The following STAU2 variants were observed in gnomAD, a reference collection of about 807,000 sequenced individuals.
STAU2 encodes the protein double-stranded RNA-binding protein Staufen homolog 2.
In STAU2, 20 loss-of-function variants were observed where a neutral mutation model predicts 65.9. That is an observed-to-expected ratio of 0.30 (90% CI 0.21 to 0.44). The LOEUF (loss-of-function observed/expected upper bound fraction) is 0.44. STAU2 is among the 20% of genes least tolerant of loss of function. The pLI is 1.00. For missense variants in STAU2, 558 were observed against 683.9 expected, an observed-to-expected ratio of 0.82 and a Z score of 2.05; for synonymous variants, 232 against 233.9, an observed-to-expected ratio of 0.99 and a Z score of 0.07.
At chr8:73,433,280 C>T (rs1170710132) in intron 13 of STAU2, among the ~76,000 whole-genome samples, 1 of 151,844 alleles carries the variant, frequency 6.6e-6, no homozygotes, top group Non-Finnish European at 1.5e-5. Context: ...TCTCGGCTCA[C>T]TGGAACCTCC....
chr8:73,621,292 C>T (rs541457732), intron 6 of STAU2, among the ~76,000 whole-genome samples: 1 of 152,218 alleles, frequency 6.6e-6, no homozygotes, highest in African/African-American at 2.4e-5. Flanking sequence ...TCTGGCATTT[C>T]CCCTGCTGGC....
intron 12 of STAU2, among the ~76,000 whole-genome samples, chr8:73,570,356 G>A (rs143330457): frequency 0.027 from 4,137 of 152,222 alleles, 169 homozygotes; most frequent in African/African-American, 0.084. Context: ...TGAAAGTGAC[G>A]GGGGGAATGG....
At chr8:73,714,094 G>C (rs1240592812) in intron 3 of STAU2, among the ~76,000 whole-genome samples, 1 of 151,886 alleles carries the variant, frequency 6.6e-6, no homozygotes, top group East Asian at 1.9e-4. Flanking sequence ...GTAGAGACGG[G>C]GTTTCTCCAT....
chr8:73,640,214 A>C (rs886342937), intron 6 of STAU2, among the ~76,000 whole-genome samples: 1 of 152,010 alleles, frequency 6.6e-6, no homozygotes, highest in Non-Finnish European at 1.5e-5. Context: ...TATACTGTTT[A>C]CTGATCAATA....
At chr8:73,624,161 T>C (rs1813472891) in intron 6 of STAU2, among the ~76,000 whole-genome samples, 1 of 152,120 alleles carries the variant, frequency 6.6e-6, no homozygotes, top group Non-Finnish European at 1.5e-5. Flanking sequence ...AAATACTTAA[T>C]TGAAGGAAGT....
chr8:73,646,684 C>T (rs1373602492), intron 6 of STAU2, among the ~76,000 whole-genome samples: 1 of 151,918 alleles, frequency 6.6e-6, no homozygotes, highest in East Asian at 1.9e-4. Context: ...AGACTTGATA[C>T]CCAAAGCACA....
At chr8:73,649,875 A>T (rs1415553365) in intron 6 of STAU2, among the ~76,000 whole-genome samples, 3 of 113,234 alleles carry the variant, frequency 2.6e-5, no homozygotes, top group African/African-American at 6.9e-5. Context: ...AATTTTATAT[A>T]TATATATATA....
intron 3 of STAU2, among the ~76,000 whole-genome samples, chr8:73,709,619 A>C (rs1702721896): frequency 6.6e-6 from 1 of 151,974 alleles, no homozygotes; most frequent in African/African-American, 2.4e-5. Context: ...TCAGGTCCTA[A>C]GTTTAAGTAC....
chr8:73,493,224 G>A (rs1033862172), intron 13 of STAU2, among the ~76,000 whole-genome samples: 3 of 151,264 alleles, frequency 2.0e-5, no homozygotes, highest in Non-Finnish European at 4.4e-5. Context: ...ATTGAGAATA[G>A]AAAAAAGTTT....
chr8:73,582,665 AAC>A, intron 12 of STAU2, 103 bp downstream of exon 12: 1 of 1,012,698 alleles, frequency 9.9e-7, no homozygotes, highest in South Asian at 1.4e-5. Flanking sequence ...CAAAATACTT[AAC>A]ACAGCCTCTC....
chr8:73,621,905 G>C (rs1306031464), intron 6 of STAU2, among the ~76,000 whole-genome samples: 1 of 151,690 alleles, frequency 6.6e-6, no homozygotes, highest in Admixed American at 6.6e-5. Context: ...GTCCATTCAA[G>C]GAGACCACAC....
At chr8:73,561,391 A>G (rs1808215787) in intron 12 of STAU2, 2 of 330,658 alleles carry the variant, frequency 6.0e-6, no homozygotes, top group South Asian at 2.6e-5. Context: ...AGTTGCTGTG[A>G]AAATGATGTT....
chr8:73,556,567 C>A (rs2128946338), intron 12 of STAU2, among the ~76,000 whole-genome samples: 1 of 152,188 alleles, frequency 6.6e-6, no homozygotes, highest in East Asian at 1.9e-4. Context: ...ACCAGCCTGG[C>A]CAACATGTTG....
intron 3 of STAU2, among the ~76,000 whole-genome samples, chr8:73,719,053 G>A (rs1586343822): frequency 3.3e-5 from 5 of 152,190 alleles, no homozygotes; most frequent in South Asian, 4.1e-4. Flanking sequence ...GAACCTCCAC[G>A]GCAACGTCAA....
chr8:73,691,632 C>T (rs1819327118), intron 4 of STAU2, among the ~76,000 whole-genome samples: 1 of 152,036 alleles, frequency 6.6e-6, no homozygotes, highest in South Asian at 2.1e-4. Flanking sequence ...AAGATATATA[C>T]ATGCACCAAT....
At chr8:73,654,076 A>G (rs992183335) in intron 6 of STAU2, among the ~76,000 whole-genome samples, 2 of 152,192 alleles carry the variant, frequency 1.3e-5, no homozygotes, top group African/African-American at 4.8e-5. Context: ...TTTTAATTTT[A>G]ACTTAAAATT....
intron 6 of STAU2, among the ~76,000 whole-genome samples, chr8:73,668,225 T>G (rs1817379062): frequency 6.6e-6 from 1 of 152,116 alleles, no homozygotes; most frequent in African/African-American, 2.4e-5. Context: ...TTGGCTTATT[T>G]GAAAACAAAG....
At chr8:73,731,783 C>G (rs1428856765) in intron 3 of STAU2, among the ~76,000 whole-genome samples, 2 of 151,822 alleles carry the variant, frequency 1.3e-5, no homozygotes, top group East Asian at 3.9e-4. Flanking sequence ...ACTAAAAATA[C>G]AAAAAATTAG....
intron 6 of STAU2, chr8:73,670,424 T>TC (rs1817592357): frequency 6.6e-6 from 1 of 151,416 alleles, no homozygotes; most frequent in African/African-American, 2.4e-5. Context: ...TTTCCACACC[T>TC]CGTGGACAAG....
Sources: allele counts gnomAD v4.1 joint callset (sites outside exome capture counted in the v4.1 genomes callset), GRCh38; gene constraint gnomAD v4.1.1; transcripts MANE v1.5; gene names NCBI Gene and HGNC (gene_info 2026-07-23, HGNC 2026-07-21).